The following ATP10B variants were observed in gnomAD, a reference collection of about 807,000 sequenced individuals.
ATP10B encodes phospholipid-transporting ATPase VB.
In ATP10B, 122 loss-of-function variants were observed where a neutral mutation model predicts 141.2. The ratio of observed to expected loss-of-function variants is 0.86; its 90% CI spans 0.75 to 1.00. The LOEUF (loss-of-function observed/expected upper bound fraction) is 1.00. Ranked by LOEUF, ATP10B falls within the 50% of genes least tolerant of loss-of-function variation. ATP10B has a pLI of 0.00. For synonymous variants in ATP10B, 685 were observed against 692.0 expected (o/e 0.99, Z 0.16); for missense variants, 1,876 against 1,825.3 (o/e 1.03, Z -0.51).
chr5:160,620,796 G>T lies in ATP10B; in HGVS notation c.1967C>A (p.Ala656Asp), dbSNP rs753209698. 1 of 1,614,080 alleles carries T rather than the reference G, an allele frequency of 6.2e-7. No individual in the cohort carries two copies. The highest frequency in any genetic ancestry group is 1.3e-5 in the African/African-American group (1 of 74,940). The change falls in exon 15 of 26, where the codon GCC becomes GAC. Residue 656 changes from alanine to aspartate, a missense_variant. By Grantham distance (126) the Ala-to-Asp change is moderately radical. Coordinates refer to ENST00000327245, the MANE Select transcript of ATP10B (RefSeq NM_025153.3). ...DLGESLGANVATTDSDERDDA... is the reference protein window; with the variant it reads ...DLGESLGANVDTTDSDERDDA... ...ATCTCTCTCATCCGAGTCTGTGGTG[G>T]CCACGTTGGCCCCTAAGCTCTCCCC...
chr5:160,875,376 T>C, the ATP10B span, among the ~76,000 whole-genome samples: 7 of 102,776 alleles, frequency 6.8e-5, 1 homozygote, highest in African/African-American at 1.9e-4. Context: ...AAAGAGCTCC[T>C]GAAGGAAGCG....
chr5:160,894,684 A>G, the ATP10B span, among the ~76,000 whole-genome samples: 1 of 152,186 alleles, frequency 6.6e-6, no homozygotes, highest in Non-Finnish European at 1.5e-5. Context: ...CAACATTCAA[A>G]TTCAGGAAAT....
intron 18 of ATP10B, among the ~76,000 whole-genome samples, chr5:160,611,425 C>G (rs1320877295): frequency 6.6e-6 from 1 of 152,064 alleles, no homozygotes; most frequent in Non-Finnish European, 1.5e-5. Context: ...CAGGCAGGCA[C>G]AGGGATCAAG....
chr5:160,661,475 G>C (rs909329682), intron 7 of ATP10B, among the ~76,000 whole-genome samples: 4 of 152,130 alleles, frequency 2.6e-5, no homozygotes, highest in Admixed American at 2.6e-4. Context: ...CTATCCTTCA[G>C]AGATAGTAAA....
At chr5:160,584,280 G>A (rs1025374163) in intron 24 of ATP10B, among the ~76,000 whole-genome samples, 2 of 151,994 alleles carry the variant, frequency 1.3e-5, no homozygotes, top group Admixed American at 6.5e-5. Flanking sequence ...CCTTGGCTAG[G>A]GCAGGCAGTT....
In ATP10B at chr5:160,563,143, ATGTT is replaced by A. The variant is rs1318045739; in HGVS notation, c.*2306_*2309del. 23 of 152,244 alleles carry A rather than the reference ATGTT, an allele frequency of 1.5e-4. No homozygotes were observed. The highest frequency in any genetic ancestry group is 5.3e-4 in the African/African-American group (22 of 41,456). The allele number at this position is 152,244 out of a possible 1,614,324, so 9.4% of individuals were successfully genotyped here. A position where few individuals can be genotyped will look rare whatever the true frequency, so the allele number is the denominator to read the frequency against. On this transcript the variant is annotated 3_prime_UTR_variant, in exon 26 of 26. Transcript: ENST00000327245. ...GGTTGGCAGGCAACTATGGAAAACC[ATGTT>A]TATTTTTAATAAAGGATGACATTTC...
At chr5:160,781,113 T>A (rs4921161) in intron 2 of ATP10B, among the ~76,000 whole-genome samples, 24,924 of 152,144 alleles carry the variant, frequency 0.16, 2,286 homozygotes, top group East Asian at 0.27. Flanking sequence ...AGCAGAAAGA[T>A]CTCTCGAAAA....
intron 1 of ATP10B, among the ~76,000 whole-genome samples, chr5:160,794,805 A>G (rs1202768343): frequency 6.6e-6 from 1 of 152,216 alleles, no homozygotes; most frequent in East Asian, 1.9e-4. Flanking sequence ...CTCTACTTAA[A>G]GTAGTATCAT....
At chr5:160,589,514 T>A in intron 24 of ATP10B, 78 bp downstream of exon 24, 1 of 1,130,704 alleles carries the variant, frequency 8.8e-7, no homozygotes, top group Non-Finnish European at 1.3e-6. Flanking sequence ...TAACACAGAA[T>A]GAAACAATTC....
intron 7 of ATP10B, among the ~76,000 whole-genome samples, chr5:160,650,632 A>G (rs891872897): frequency 1.3e-5 from 2 of 152,234 alleles, no homozygotes; most frequent in African/African-American, 2.4e-5. Context: ...CATTTAGATT[A>G]ATTAAACTTA....
chr5:160,783,811 C>T (rs976235328), intron 2 of ATP10B, among the ~76,000 whole-genome samples: 3 of 152,012 alleles, frequency 2.0e-5, no homozygotes, highest in African/African-American at 7.3e-5. Context: ...AATCTCCACA[C>T]TGTTTTCCAT....
In ATP10B at chr5:160,620,844, G is replaced by T. The variant is rs779745383; in HGVS notation, c.1919C>A (p.Thr640Asn). The T allele has an allele frequency of 7.1e-5, 115 of 1,614,120 alleles. 1 individual carries two copies. The highest frequency in any genetic ancestry group is 1.3e-4 in the Admixed American group (8 of 60,014). The change falls in exon 15 of 26, where the codon ACT becomes AAT. Residue 640 changes from threonine (T) to asparagine (N), a missense_variant. Physicochemically the swap from Thr to Asn is moderately conservative, Grantham distance 65. Transcript: ENST00000327245. Reference protein sequence around the residue: ...LLSLSQSFSSTAPSDTDLGES... With the variant: ...LLSLSQSFSSNAPSDTDLGES... ...CCCGAGGTCTGTGTCAGAGGGTGCA[G>T]TGGATGAGAATGACTGGCTGAGGCT... is the stretch of plus-strand genomic sequence containing the variant.
At chr5:160,833,321 G>T (rs191678141) in intron 1 of ATP10B, among the ~76,000 whole-genome samples, 42 of 152,278 alleles carry the variant, frequency 2.8e-4, no homozygotes, top group Non-Finnish European at 5.4e-4. Flanking sequence ...CCCAATGAAG[G>T]TAAAGCCCTA....
intron 1 of ATP10B, among the ~76,000 whole-genome samples, chr5:160,850,904 T>G (rs941805644): frequency 6.6e-6 from 1 of 152,160 alleles, no homozygotes; most frequent in Non-Finnish European, 1.5e-5. Flanking sequence ...ACAAACTCAG[T>G]GGGTGTTATT....
intron 7 of ATP10B, among the ~76,000 whole-genome samples, chr5:160,656,340 C>A (rs1761489406): frequency 6.6e-6 from 1 of 152,124 alleles, no homozygotes; most frequent in Admixed American, 6.5e-5. Flanking sequence ...AACACTCCCA[C>A]TGTGGGGCTT....
intron 22 of ATP10B, among the ~76,000 whole-genome samples, chr5:160,597,154 G>C (rs1228863509): frequency 6.6e-6 from 1 of 152,136 alleles, no homozygotes; most frequent in Non-Finnish European, 1.5e-5. Flanking sequence ...ATACTACAAG[G>C]CTACAGTAAC....
chr5:160,785,854 G>C, intron 1 of ATP10B, 51 bp from the exon 2 acceptor site: 1 of 308,246 alleles, frequency 3.2e-6, no homozygotes, highest in Non-Finnish European at 5.9e-6. Context: ...TCTCATTTTA[G>C]TATCAGCAAT....
chr5:160,859,991 C>T, the ATP10B span, among the ~76,000 whole-genome samples: 3 of 151,782 alleles, frequency 2.0e-5, no homozygotes, highest in East Asian at 1.9e-4. Flanking sequence ...GTACGTCTTT[C>T]GTTTATTATG....
At chr5:160,890,934 G>A in the ATP10B span, among the ~76,000 whole-genome samples, 1 of 152,006 alleles carries the variant, frequency 6.6e-6, no homozygotes, top group Non-Finnish European at 1.5e-5. Context: ...GAATTGGACT[G>A]TTTTCATTTA....
Sources: allele counts gnomAD v4.1 joint callset (sites outside exome capture counted in the v4.1 genomes callset), GRCh38; gene constraint gnomAD v4.1.1; transcripts MANE v1.5; gene names NCBI Gene and HGNC (gene_info 2026-07-23, HGNC 2026-07-21).